The following TMPRSS15 variants were observed in gnomAD, a reference collection of about 807,000 sequenced individuals.
The protein encoded by TMPRSS15 is enteropeptidase.
TMPRSS15 carries 128 observed loss-of-function variants against 125.3 expected under a neutral mutation model. That is an observed-to-expected ratio of 1.02 (90% CI 0.89 to 1.18). The LOEUF (loss-of-function observed/expected upper bound fraction) is 1.18. Ranked by LOEUF, TMPRSS15 falls within the 50% of genes most tolerant of loss-of-function variation. The pLI, the probability that TMPRSS15 is intolerant of heterozygous loss-of-function variation, is 0.00. For missense variants in TMPRSS15, 1,283 were observed against 1,212.7 expected, an observed-to-expected ratio of 1.06 and a Z score of -0.86; for synonymous variants, 446 against 423.2, an observed-to-expected ratio of 1.05 and a Z score of -0.66.
chr21:18,285,125 C>T (rs149795713), intron 21 of TMPRSS15, among the ~76,000 whole-genome samples: 54 of 152,272 alleles, frequency 3.5e-4, no homozygotes, highest in African/African-American at 1.3e-3. Flanking sequence ...TTGGAGAGGG[C>T]AGAAAAACAT....
chr21:18,381,456 T>G (rs2075892041), intron 4 of TMPRSS15, among the ~76,000 whole-genome samples: 1 of 152,108 alleles, frequency 6.6e-6, no homozygotes, highest in African/African-American at 2.4e-5. Context: ...AATTTGAAAA[T>G]TCACATGATA....
At chr21:18,485,018 ATTGAG>A (rs766516007) in intron 1 of TMPRSS15, among the ~76,000 whole-genome samples, 10 of 151,878 alleles carry the variant, frequency 6.6e-5, no homozygotes, top group African/African-American at 1.7e-4. Flanking sequence ...GTTTTAATTC[ATTGAG>A]TTAAGTCCTT....
Position 18,312,813 on chromosome 21 carries a change from T to C in TMPRSS15, c.2165+132A>G, listed in dbSNP as rs1015200219. 4.2e-6 allele frequency: 5 copies of C among 1,203,904 alleles called. No homozygotes were observed. In the Admixed American group the frequency reaches 9.5e-5, roughly 23 times the overall value. The allele number at this position is 1,203,904 out of a possible 1,614,324, so 74.6% of individuals were successfully genotyped here. On this transcript the variant is annotated intron_variant, in intron 18 of 24. Transcript: ENST00000284885. ...AAATGGGGTTAATCAAGATTTTTAT[T>C]TTCTCCCTTTTGCTAATGTGTATTT...
intron 16 of TMPRSS15, among the ~76,000 whole-genome samples, chr21:18,316,742 A>G (rs1004542232): frequency 1.3e-5 from 2 of 152,204 alleles, no homozygotes; most frequent in African/African-American, 4.8e-5. Context: ...AGAAGCAGCT[A>G]CTGCTGTTTC....
chr21:18,347,767 T>C (rs2075524410), intron 10 of TMPRSS15, among the ~76,000 whole-genome samples: 1 of 152,204 alleles, frequency 6.6e-6, no homozygotes, highest in Non-Finnish European at 1.5e-5. Context: ...AAAAATAATT[T>C]CTTCTAAAAC....
chr21:18,312,565 T>C (rs1328149573), intron 18 of TMPRSS15, among the ~76,000 whole-genome samples: 1 of 151,632 alleles, frequency 6.6e-6, no homozygotes, highest in Non-Finnish European at 1.5e-5. Context: ...TGCAAAGATA[T>C]AGCAAAAGCA....
intron 1 of TMPRSS15, among the ~76,000 whole-genome samples, chr21:18,434,974 A>T (rs2123218951): frequency 6.6e-6 from 1 of 152,230 alleles, no homozygotes; most frequent in Non-Finnish European, 1.5e-5. Context: ...TTCATCCTTG[A>T]TGTTCCTTGA....
chr21:18,321,085 C>T (rs10154181), intron 16 of TMPRSS15, among the ~76,000 whole-genome samples: 31,560 of 151,966 alleles, frequency 0.21, 3,455 homozygotes, highest in African/African-American at 0.26. Flanking sequence ...TCCACAGTTG[C>T]CTGATAAACA....
chr21:18,454,466 T>C (rs1978402003), intron 1 of TMPRSS15, among the ~76,000 whole-genome samples: 1 of 152,002 alleles, frequency 6.6e-6, no homozygotes, highest in Non-Finnish European at 1.5e-5. Flanking sequence ...TTCAAGCAAA[T>C]ACAAAGGCTG....
At chr21:18,370,014 G>A (rs1424008293) in intron 6 of TMPRSS15, among the ~76,000 whole-genome samples, 6 of 148,772 alleles carry the variant, frequency 4.0e-5, no homozygotes, top group Admixed American at 2.0e-4. Flanking sequence ...GGAAAGTGAC[G>A]GTGTGTAAGC....
chr21:18,423,098 G>A (rs1317000496), intron 1 of TMPRSS15, among the ~76,000 whole-genome samples: 3 of 152,226 alleles, frequency 2.0e-5, no homozygotes, highest in Admixed American at 1.3e-4. Flanking sequence ...AAGGCTAGAT[G>A]TGGATTTACG....
At chr21:18,390,470 T>C (rs144670234) in intron 3 of TMPRSS15, among the ~76,000 whole-genome samples, 4 of 152,210 alleles carry the variant, frequency 2.6e-5, no homozygotes, top group Non-Finnish European at 5.9e-5. Context: ...TAAGACTTTA[T>C]AGAATACATA....
intron 16 of TMPRSS15, among the ~76,000 whole-genome samples, chr21:18,326,005 G>C (rs1404997793): frequency 1.3e-5 from 2 of 151,946 alleles, no homozygotes; most frequent in Non-Finnish European, 1.5e-5. Context: ...TCTCCAATAA[G>C]TTAATGATGT....
chr21:18,458,151 G>A (rs970795270), intron 1 of TMPRSS15, among the ~76,000 whole-genome samples: 3 of 152,108 alleles, frequency 2.0e-5, no homozygotes, highest in African/African-American at 4.8e-5. Context: ...AGGTTAAGGC[G>A]TTCTTCACAT....
At chr21:18,469,976 G>C (rs1251261282) in intron 1 of TMPRSS15, among the ~76,000 whole-genome samples, 1 of 151,932 alleles carries the variant, frequency 6.6e-6, no homozygotes, top group African/African-American at 2.4e-5. Context: ...TTAACCTTTG[G>C]TAAATTTCAT....
chr21:18,429,104 T>C (rs562013960), intron 1 of TMPRSS15, among the ~76,000 whole-genome samples: 1 of 152,282 alleles, frequency 6.6e-6, no homozygotes, highest in African/African-American at 2.4e-5. Context: ...TTTGGAGCTA[T>C]AAAATTTGAC....
intron 6 of TMPRSS15, 133 bp from the exon 7 acceptor site, chr21:18,365,381 T>G (rs1216918365): frequency 3.9e-6 from 3 of 773,550 alleles, no homozygotes; most frequent in Admixed American, 2.0e-5. Context: ...TAGTAAGATT[T>G]CATGTTTGAA....
chr21:18,419,549 T>C (rs145464262), intron 1 of TMPRSS15, among the ~76,000 whole-genome samples: 9 of 152,264 alleles, frequency 5.9e-5, no homozygotes, highest in Non-Finnish European at 1.3e-4. Flanking sequence ...TTCTAAAAAC[T>C]CTAACCTTCT....
At chr21:18,313,841 C>A (rs185016042) in intron 17 of TMPRSS15, among the ~76,000 whole-genome samples, 2 of 149,704 alleles carry the variant, frequency 1.3e-5, no homozygotes, top group Non-Finnish European at 3.0e-5. Context: ...AACTTAGTTT[C>A]TGAAAGAAGG....
Sources: gnomAD v4.1 joint callset for allele counts (sites outside exome capture counted in the v4.1 genomes callset) on GRCh38, gnomAD v4.1.1 for gene constraint, MANE v1.5 for transcripts, NCBI Gene and HGNC (gene_info 2026-07-23, HGNC 2026-07-21) for gene names.